Variants in CLYBL observed in about 807,000 individuals in gnomAD.
The protein encoded by CLYBL is citramalyl-CoA lyase, mitochondrial.
Under a neutral mutation model 38.9 loss-of-function variants are expected in CLYBL, and 31 were observed. The ratio of observed to expected loss-of-function variants is 0.80; its 90% confidence interval spans 0.60 to 1.08. CLYBL has a LOEUF of 1.08. Among genes scored for constraint, CLYBL ranks in the 50% least tolerant of loss-of-function variants. CLYBL has a pLI of 0.00. For synonymous variants in CLYBL, 171 were observed against 158.6 expected (o/e 1.08, Z -0.59); for missense variants, 434 against 411.6 (o/e 1.05, Z -0.47).
At chr13:99,703,122 T>C (rs950820702) in intron 1 of CLYBL, among the ~76,000 whole-genome samples, 4 of 152,228 alleles carry the variant, frequency 2.6e-5, no homozygotes, top group Admixed American at 6.5e-5. Flanking sequence ...GGACTAGCTC[T>C]GTATTTATTC....
At chr13:99,851,720 A>C (rs1264423154) in intron 2 of CLYBL, among the ~76,000 whole-genome samples, 1 of 152,148 alleles carries the variant, frequency 6.6e-6, no homozygotes, top group African/African-American at 2.4e-5. Context: ...TTGGAAAGGA[A>C]CCCTCAACAC....
At chr13:99,775,240 G>T (rs2049486939) in intron 2 of CLYBL, among the ~76,000 whole-genome samples, 1 of 152,130 alleles carries the variant, frequency 6.6e-6, no homozygotes, top group African/African-American at 2.4e-5. Flanking sequence ...ACTCAAATGA[G>T]TTGGAAATAT....
intron 1 of CLYBL, among the ~76,000 whole-genome samples, chr13:99,639,288 A>G (rs1283960078): frequency 6.6e-6 from 1 of 152,230 alleles, no homozygotes; most frequent in African/African-American, 2.4e-5. Flanking sequence ...GTGGACACGC[A>G]GCATGGTCAT....
chr13:99,790,473 C>T (rs2049892025), intron 2 of CLYBL, among the ~76,000 whole-genome samples: 1 of 152,132 alleles, frequency 6.6e-6, no homozygotes, highest in South Asian at 2.1e-4. Context: ...TGAAGTTTGG[C>T]TGGATGTGAA....
Position 99,763,279 on chromosome 13 carries a change from G to A in CLYBL, c.63-9545G>A, listed in dbSNP as rs192338914. 1.3e-3 allele frequency among the ~76,000 whole-genome samples: 198 copies of A among 152,172 alleles called. 1 individual carries two copies. The highest frequency in any genetic ancestry group is 4.6e-3 in the African/African-American group (190 of 41,514). The stretch of plus-strand genomic sequence containing the variant: ...AGAGGAAAGTCCTTAATTTCTCCCT[G>A]TTCAGGATGATGTTAGCTATGGGTT... On this transcript the variant is annotated intron_variant, in intron 1 of 8. Coordinates refer to ENST00000339105, the MANE Select transcript of CLYBL (RefSeq NM_206808.5).
At chr13:99,798,919 A>G (rs542908898) in intron 2 of CLYBL, among the ~76,000 whole-genome samples, 8 of 152,356 alleles carry the variant, frequency 5.3e-5, no homozygotes, top group African/African-American at 1.9e-4. Context: ...ACATAATCCT[A>G]TTATAACACA....
intron 2 of CLYBL, among the ~76,000 whole-genome samples, chr13:99,779,266 C>A (rs2049588661): frequency 6.6e-6 from 1 of 152,008 alleles, no homozygotes; most frequent in Non-Finnish European, 1.5e-5. Flanking sequence ...CCTCAGCCTC[C>A]CAAGTAGCTG....
chr13:99,858,544 A>G (rs886414705), intron 2 of CLYBL, among the ~76,000 whole-genome samples: 1 of 152,264 alleles, frequency 6.6e-6, no homozygotes, highest in African/African-American at 2.4e-5. Flanking sequence ...GTGAAAACTT[A>G]CCCATTAACT....
intron 2 of CLYBL, among the ~76,000 whole-genome samples, chr13:99,785,295 A>C (rs1363669571): frequency 3.0e-5 from 4 of 131,322 alleles, no homozygotes; most frequent in African/African-American, 1.2e-4. Flanking sequence ...TGCAGCCTCA[A>C]CCTCCCAGGC....
chr13:99,804,116 C>T (rs181756386), intron 2 of CLYBL, among the ~76,000 whole-genome samples: 47 of 152,330 alleles, frequency 3.1e-4, no homozygotes, highest in African/African-American at 6.7e-4. Context: ...CAACAAAGGA[C>T]GCAAGCTTTC....
downstream of CLYBL, chr13:99,896,577 G>A (rs2052582577): frequency 6.6e-6 from 1 of 152,152 alleles, no homozygotes; most frequent in African/African-American, 2.4e-5. Context: ...CCGAAGCCCC[G>A]GCCTCACACC....
At chr13:99,839,096 G>A (rs1049850557) in intron 2 of CLYBL, among the ~76,000 whole-genome samples, 1 of 152,218 alleles carries the variant, frequency 6.6e-6, no homozygotes, top group Non-Finnish European at 1.5e-5. Flanking sequence ...CAATCTCCAT[G>A]TGAGTCAACA....
At chr13:99,633,575 G>A (rs2046979267) in intron 1 of CLYBL, among the ~76,000 whole-genome samples, 1 of 151,562 alleles carries the variant, frequency 6.6e-6, no homozygotes, top group South Asian at 2.1e-4. Context: ...GAGCTGAAAG[G>A]TTAGTGGTTG....
At chr13:99,633,524 G>T (rs1356472612) in intron 1 of CLYBL, among the ~76,000 whole-genome samples, 3 of 130,090 alleles carry the variant, frequency 2.3e-5, no homozygotes, top group Admixed American at 8.4e-5. Context: ...GACAGTGCAG[G>T]ACTCTGTCTC....
intron 2 of CLYBL, among the ~76,000 whole-genome samples, chr13:99,816,521 C>G (rs755619803): frequency 6.6e-6 from 1 of 152,222 alleles, no homozygotes; most frequent in Non-Finnish European, 1.5e-5. Context: ...GTGTCACCCT[C>G]AAATTCATGT....
At chr13:99,669,130 T>C (rs74658721) in intron 1 of CLYBL, among the ~76,000 whole-genome samples, 5 of 151,994 alleles carry the variant, frequency 3.3e-5, no homozygotes, top group Non-Finnish European at 4.4e-5. Flanking sequence ...GCTTCCCAAG[T>C]AGCTGGAACT....
chr13:99,685,628 A>G (rs2047805437), intron 1 of CLYBL, among the ~76,000 whole-genome samples: 1 of 152,114 alleles, frequency 6.6e-6, no homozygotes, highest in African/African-American at 2.4e-5. Flanking sequence ...CCAGTGGATA[A>G]GAGGATGGCC....
downstream of CLYBL, among the ~76,000 whole-genome samples, chr13:99,899,160 C>A (rs149538344): frequency 2.6e-5 from 4 of 152,168 alleles, no homozygotes; most frequent in Admixed American, 2.6e-4. Flanking sequence ...CAGAGAGATG[C>A]GCCACTTCCA....
In CLYBL at chr13:99,721,668, C is replaced by T. The variant is rs528465569; in HGVS notation, c.63-51156C>T. Among the ~76,000 whole-genome samples the T allele has an allele frequency of 1.4e-4, 18 of 132,532 alleles. No individual in the cohort carries two copies. In the South Asian group the frequency reaches 2.3e-3, roughly 17 times the overall value. The allele number at this position is 132,532 out of a possible 152,430, so 86.9% of individuals were successfully genotyped here. On this transcript the variant is annotated intron_variant, in intron 1 of 8. Transcript: ENST00000339105. ...TATTTTCAATCGTGTCCTATTCTTT[C>T]AATGGTTACTGTTCTTGTGTCACTT...
Sources: allele counts gnomAD v4.1 joint callset (sites outside exome capture counted in the v4.1 genomes callset), GRCh38; gene constraint gnomAD v4.1.1; transcripts MANE v1.5; gene names NCBI Gene and HGNC (gene_info 2026-07-23, HGNC 2026-07-21).